Variants in PPA2 observed in about 807,000 individuals in gnomAD.
PPA2 encodes the protein inorganic pyrophosphatase 2, mitochondrial.
PPA2 carries 48 observed loss-of-function variants against 49.5 expected under a neutral mutation model. That is an observed-to-expected ratio of 0.97 (90% CI 0.77 to 1.23). PPA2 has a LOEUF of 1.23. Among genes scored for constraint, PPA2 ranks in the 50% most tolerant of loss-of-function variants. The probability of loss-of-function intolerance (pLI) is 0.00; values close to 1 mark genes in which losing one functional copy is unlikely to be tolerated. For synonymous variants in PPA2, 131 were observed against 139.9 expected (o/e 0.94, Z 0.45); for missense variants, 429 against 410.1 (o/e 1.05, Z -0.40).
intron 7 of PPA2, among the ~76,000 whole-genome samples, chr4:105,413,631 G>A (rs1722865232): frequency 6.6e-6 from 1 of 152,172 alleles, no homozygotes; most frequent in Non-Finnish European, 1.5e-5. Flanking sequence ...TCCAGAAACA[G>A]ACTCCTGTAT....
At chr4:105,446,025 T>C (rs1197658576) in intron 5 of PPA2, among the ~76,000 whole-genome samples, 1 of 152,076 alleles carries the variant, frequency 6.6e-6, no homozygotes, top group Admixed American at 6.6e-5. Context: ...CTATCATATA[T>C]GAATGTGTAT....
At chr4:105,417,558 C>CAAA (rs11413641) in intron 7 of PPA2, among the ~76,000 whole-genome samples, 1 of 144,776 alleles carries the variant, frequency 6.9e-6, no homozygotes. Flanking sequence ...TGACTGAAAC[C>CAAA]AAAAAAAAAA....
At chr4:105,422,978 C>G (rs973566415) in intron 7 of PPA2, among the ~76,000 whole-genome samples, 1 of 152,054 alleles carries the variant, frequency 6.6e-6, no homozygotes, top group African/African-American at 2.4e-5. Context: ...GGACTATTAC[C>G]TTATCAATTC....
Position 105,396,334 on chromosome 4 carries a change from C to G in PPA2, c.784G>C (p.Ala262Pro). The change falls in exon 9 of 12, where the codon GCT becomes CCT. Residue 262 changes from alanine (A) to proline (P), a missense_variant and splice_region_variant. Ala to Pro is a conservative substitution (Grantham distance 27, BLOSUM62 -1). Transcript: ENST00000341695. ...GATTTAATAACTTCAAGAGCAAAAG[C>G]CTAGCTCCAAACAAACAAATAAAAA... The part of the protein sequence containing the change: ...FAFNGEFKNK[A>P]FALEVIKSTH... The G allele has an allele frequency of 6.4e-7, 1 of 1,567,150 alleles. No homozygotes were observed. The highest frequency in any genetic ancestry group is 8.6e-7 in the Non-Finnish European group (1 of 1,157,994).
intron 8 of PPA2, among the ~76,000 whole-genome samples, chr4:105,396,825 A>T (rs1462960760): frequency 6.6e-6 from 1 of 152,172 alleles, no homozygotes; most frequent in Non-Finnish European, 1.5e-5. Flanking sequence ...GTGAGATGAC[A>T]TATGTAAAGT....
chr4:105,371,609 T>C (rs1006059012), intron 10 of PPA2, among the ~76,000 whole-genome samples: 3 of 152,172 alleles, frequency 2.0e-5, no homozygotes, highest in Non-Finnish European at 4.4e-5. Flanking sequence ...AGATTTCAAA[T>C]TTAATAATTA....
chr4:105,399,244 AG>A, intron 7 of PPA2, 80 bp from the exon 8 acceptor site: 6 of 1,377,998 alleles, frequency 4.4e-6, no homozygotes, highest in Non-Finnish European at 5.9e-6. Flanking sequence ...GGACTGAGGG[AG>A]CCAGGAAACA....
At chr4:105,463,162 CT>C (rs1229639065) in intron 1 of PPA2, among the ~76,000 whole-genome samples, 1 of 152,178 alleles carries the variant, frequency 6.6e-6, no homozygotes, top group Non-Finnish European at 1.5e-5. Flanking sequence ...TGTTAAGTGG[CT>C]TTGACCCAAA....
At chr4:105,456,939 G>A (rs1213566474) in intron 1 of PPA2, among the ~76,000 whole-genome samples, 194 bp from the exon 2 acceptor site, 1 of 151,768 alleles carries the variant, frequency 6.6e-6, no homozygotes, top group Non-Finnish European at 1.5e-5. Flanking sequence ...AATATATACC[G>A]GCTAAACCAT....
chr4:105,439,413 A>G (rs1360688663), intron 5 of PPA2, among the ~76,000 whole-genome samples: 1 of 152,124 alleles, frequency 6.6e-6, no homozygotes, highest in Non-Finnish European at 1.5e-5. Flanking sequence ...TCTTACTCTG[A>G]GCAATCTCCT....
rs2110390921 is a variant in PPA2, at chr4:105,396,340, TCCAA to T, written c.784-10_784-7del. 1.3e-6 allele frequency: 2 copies of T among 1,545,328 alleles called. No homozygotes were observed. Among genetic ancestry groups the T allele is most frequent in the Non-Finnish European group, 1.7e-6 (2 of 1,144,888 alleles). ...ATAACTTCAAGAGCAAAAGCCTAGC[TCCAA>T]ACAAACAAATAAAAAAAGACGTATT... On this transcript the variant is annotated splice_region_variant and splice_polypyrimidine_tract_variant and intron_variant, in intron 8 of 11. Transcript: ENST00000341695.
In PPA2 at chr4:105,449,041, AC is replaced by A. The variant is rs1338233664; in HGVS notation, c.321+308del. 6.1e-4 allele frequency among the ~76,000 whole-genome samples: 79 copies of A among 129,192 alleles called. 10 individuals are homozygous for A. The highest frequency in any genetic ancestry group is 2.6e-3 in the African/African-American group (68 of 26,008). 84.8% of individuals were successfully genotyped at this position (129,192 alleles called of 152,430 possible). Reference sequence around the variant, plus strand: ...AGACCATCCCGGCTAAAACGGTGAAACCCCGTCTCTACTAAAACTACAAAAA... The same window carrying A: ...AGACCATCCCGGCTAAAACGGTGAAACCCGTCTCTACTAAAACTACAAAAA... On this transcript the variant is annotated intron_variant, in intron 4 of 11. Coordinates refer to ENST00000341695, the MANE Select transcript of PPA2 (RefSeq NM_176869.3).
chr4:105,451,332 T>C (rs974724759), intron 3 of PPA2, among the ~76,000 whole-genome samples: 1 of 152,168 alleles, frequency 6.6e-6, no homozygotes, highest in Admixed American at 6.5e-5. Context: ...GTAATGATGA[T>C]TTATATTAAG....
At chr4:105,446,807 T>C (rs991101757) in intron 4 of PPA2, among the ~76,000 whole-genome samples, 4 of 152,140 alleles carry the variant, frequency 2.6e-5, no homozygotes, top group African/African-American at 9.6e-5. Context: ...ATTAATCAAC[T>C]TGCCTTTTGT....
intron 6 of PPA2, among the ~76,000 whole-genome samples, chr4:105,428,651 C>A (rs1723642492): frequency 6.8e-6 from 1 of 146,598 alleles, no homozygotes; most frequent in African/African-American, 2.5e-5. Flanking sequence ...AGGGGAACAT[C>A]ATACACCGAG....
intron 6 of PPA2, among the ~76,000 whole-genome samples, chr4:105,436,880 T>C (rs770931115): frequency 1.3e-5 from 2 of 151,910 alleles, no homozygotes; most frequent in Non-Finnish European, 2.9e-5. Context: ...CTGAAGAAAA[T>C]CTAGGAAAAA....
chr4:105,460,246 T>C (rs1393653526), intron 1 of PPA2, among the ~76,000 whole-genome samples: 4 of 152,140 alleles, frequency 2.6e-5, no homozygotes, highest in Admixed American at 1.3e-4. Context: ...TTACATGGCA[T>C]TACAAGGCAT....
Position 105,396,320 on chromosome 4 carries a change from T to C in PPA2, c.798A>G (p.Glu266=). Residue 266 remains glutamate (E), a synonymous_variant, in exon 9 of 12, where the codon GAA becomes GAG. Coordinates refer to ENST00000341695, the MANE Select transcript of PPA2 (RefSeq NM_176869.3). Reference sequence around the variant, plus strand: ...AACATTGATGAGTGGATTTAATAACTTCAAGAGCAAAAGCCTAGCTCCAAA... The same window carrying C: ...AACATTGATGAGTGGATTTAATAACCTCAAGAGCAAAAGCCTAGCTCCAAA... ...GEFKNKAFAL[E]VIKSTHQCWK... 1 of 1,595,710 alleles carries C rather than the reference T, an allele frequency of 6.3e-7. No individual in the cohort carries two copies. The highest frequency in any genetic ancestry group is 8.5e-7 in the Non-Finnish European group (1 of 1,171,792).
rs1723720483 is a variant in PPA2, at chr4:105,429,929, G to C, written c.529-5607C>G. Among the ~76,000 whole-genome samples, 3 of 152,198 alleles carry C rather than the reference G, an allele frequency of 2.0e-5. No homozygotes were observed. In the South Asian group the frequency reaches 6.2e-4, roughly 31 times the overall value. ...ATATTTTAAGAGAAACCCAGAAATA[G>C]CGTGACTTAAGCAGATGTTCCATGT... On this transcript the variant is annotated intron_variant, in intron 6 of 11. Transcript: ENST00000341695.
Sources: gnomAD v4.1 joint callset for allele counts (sites outside exome capture counted in the v4.1 genomes callset) on GRCh38, gnomAD v4.1.1 for gene constraint, MANE v1.5 for transcripts, NCBI Gene and HGNC (gene_info 2026-07-23, HGNC 2026-07-21) for gene names.